IQSEC1: variants seen among roughly 807,000 people sequenced by gnomAD.
IQSEC1 encodes IQ motif and Sec7 domain ArfGEF 1.
A neutral mutation model predicts 91.0 loss-of-function variants in IQSEC1; 31 were observed. That is an observed-to-expected ratio of 0.34 (90% CI 0.26 to 0.46). IQSEC1 has a LOEUF of 0.46. Among genes scored for constraint, IQSEC1 ranks in the 20% least tolerant of loss-of-function variants. The probability of loss-of-function intolerance (pLI) is 1.00; values close to 1 mark genes in which losing one functional copy is unlikely to be tolerated. For synonymous variants in IQSEC1, 699 were observed against 662.6 expected, an observed-to-expected ratio of 1.05 and a Z score of -0.84; for missense variants, 1,388 against 1,575.6, an observed-to-expected ratio of 0.88 and a Z score of 2.02.
rs1023753453 is a variant in IQSEC1 at position 12,909,741 on chromosome 3, C to T, written c.2417-307G>A. ...GTCCTGAGAAAGGTGGGAGTCTTCT[C>T]TAGTCATCTCAGTTCTGGACAGCAG... On this transcript the variant is annotated intron_variant, in intron 10 of 13. Coordinates refer to ENST00000613206, the MANE Select transcript of IQSEC1 (RefSeq NM_001134382.3). This position sits in a 1 kb window ranked among gnomAD's most constrained non-coding sequence, Gnocchi z 4.9. Among the ~76,000 whole-genome samples the T allele has an allele frequency of 2.6e-5, 4 of 152,154 alleles. No individual in the cohort carries two copies. Among genetic ancestry groups the T allele is most frequent in the African/African-American group, 9.6e-5 (4 of 41,462 alleles).
intron 1 of IQSEC1, among the ~76,000 whole-genome samples, chr3:13,222,328 G>A (rs539763085): frequency 6.6e-6 from 1 of 152,262 alleles, no homozygotes; most frequent in African/African-American, 2.4e-5. Context: ...CCTTTTTAGG[G>A]TGAATCATAT....
At chr3:12,998,870 G>A (rs1049914150) in intron 1 of IQSEC1, among the ~76,000 whole-genome samples, 8 of 151,998 alleles carry the variant, frequency 5.3e-5, no homozygotes, top group African/African-American at 1.9e-4. Context: ...GTGGGGGGTC[G>A]GGGGGCAGGA....
chr3:12,912,119 G>A lies in IQSEC1; in HGVS notation c.2317-391C>T, dbSNP rs563235721. 8.4e-4 allele frequency among the ~76,000 whole-genome samples: 128 copies of A among 152,370 alleles called. 1 individual carries two copies. Among genetic ancestry groups the A allele is most frequent in the Admixed American group, 1.4e-3 (22 of 15,304 alleles). ...TGGCTTCCTTTCTCGGGAACAACCA[G>A]AGTGTGAAGCTATGCCTGGTGATGG... On this transcript the variant is annotated intron_variant, in intron 9 of 13. Transcript: ENST00000613206.
intron 1 of IQSEC1, among the ~76,000 whole-genome samples, chr3:13,181,046 C>T (rs575307428): frequency 2.0e-5 from 3 of 152,198 alleles, no homozygotes; most frequent in East Asian, 3.9e-4. Context: ...CTGAGGCGGG[C>T]GGATCATGAG....
intron 1 of IQSEC1, 51 bp downstream of exon 1, chr3:13,072,941 C>A: frequency 3.3e-6 from 5 of 1,497,980 alleles, no homozygotes; most frequent in Non-Finnish European, 4.6e-6. Context: ...CCAGCTCAGC[C>A]GGGCCCCTCT....
intron 1 of IQSEC1, among the ~76,000 whole-genome samples, chr3:13,271,278 G>A (rs1286167220): frequency 6.6e-6 from 1 of 152,194 alleles, no homozygotes; most frequent in Non-Finnish European, 1.5e-5. Flanking sequence ...TCGGGAGGCT[G>A]AGGCAGGAGA....
In IQSEC1 at chr3:12,909,273, A is replaced by T; in HGVS notation, c.2578T>A (p.Ser860Thr). ...VQEMEKHRIE[S>T]ELEKQKGVVR... ...TCTGTCCATGAGGCCTGGTACTCAC[A>T]CTCTATCCTGTGCTTCTCCATCTCT... Residue 860 changes from serine (S) to threonine (T), a missense_variant and splice_region_variant, in exon 11 of 14, where the codon TCG becomes ACG. Around this residue, in one of 2 missense-constraint regions of IQSEC1, gnomAD observed 1,059 missense variants for 1,317.8 expected, o/e 0.80. Transcript: ENST00000613206. This position sits in a 1 kb window ranked among gnomAD's most constrained non-coding sequence, Gnocchi z 4.9. 1 of 1,613,848 alleles carries T rather than the reference A, an allele frequency of 6.2e-7. No individual in the cohort carries two copies. Among genetic ancestry groups the T allele is most frequent in the South Asian group, 1.1e-5 (1 of 91,058 alleles).
chr3:13,281,029 G>A (rs536182253), intron 1 of IQSEC1, among the ~76,000 whole-genome samples: 2 of 152,374 alleles, frequency 1.3e-5, no homozygotes, highest in South Asian at 4.1e-4. Flanking sequence ...CCTGTCCCCT[G>A]CGTGGTCACC....
chr3:13,274,648 T>C (rs1695646498), intron 1 of IQSEC1, among the ~76,000 whole-genome samples: 1 of 151,982 alleles, frequency 6.6e-6, no homozygotes, highest in Non-Finnish European at 1.5e-5. Context: ...GAACAGCAAC[T>C]TTCTGGGAGC....
chr3:12,967,494 A>G lies in IQSEC1; in HGVS notation c.24-25629T>C. 6.8e-7 allele frequency: 1 copy of G among 1,461,850 alleles called. No individual in the cohort carries two copies. The highest frequency in any genetic ancestry group is 1.3e-5 in the South Asian group (1 of 76,000). The allele number at this position is 1,461,850 out of a possible 1,614,324, so 90.6% of individuals were successfully genotyped here. A position where few individuals can be genotyped will look rare whatever the true frequency, so the allele number is the denominator to read the frequency against. On this transcript the variant is annotated intron_variant, in intron 1 of 13. Transcript: ENST00000613206. This position sits in a 1 kb window ranked among gnomAD's most constrained non-coding sequence, Gnocchi z 5.9. Reference sequence around the variant, plus strand: ...CGGGCCGGGCCGGGAGCCGGGACCCAGGCCCAGCAGAGGCCGCCGACTCCC... The same window carrying G: ...CGGGCCGGGCCGGGAGCCGGGACCCGGGCCCAGCAGAGGCCGCCGACTCCC...
intron 1 of IQSEC1, among the ~76,000 whole-genome samples, chr3:13,053,821 T>C (rs931245523): frequency 6.6e-6 from 1 of 152,194 alleles, no homozygotes; most frequent in African/African-American, 2.4e-5. Context: ...TCTTATTAAA[T>C]AAGTCACATA....
At chr3:13,093,491 G>A (rs1370954500) in intron 2 of IQSEC1, among the ~76,000 whole-genome samples, 2 of 152,116 alleles carry the variant, frequency 1.3e-5, no homozygotes, top group Admixed American at 1.3e-4. Context: ...CGCAGACGAG[G>A]GGCTTCATCC....
chr3:13,263,589 C>G (rs1008139766), intron 1 of IQSEC1, among the ~76,000 whole-genome samples: 1 of 152,056 alleles, frequency 6.6e-6, no homozygotes, highest in African/African-American at 2.4e-5. Flanking sequence ...ATTGCAGGCA[C>G]GCGCCACCAC....
rs553959106 is a variant in IQSEC1, at chr3:12,951,347, C to T, written c.24-9482G>A. Among the ~76,000 whole-genome samples the T allele has an allele frequency of 4.6e-5, 7 of 152,040 alleles. No individual in the cohort carries two copies. In the East Asian group the frequency reaches 1.2e-3, roughly 25 times the overall value. ...CTAAGGCGCGAGAACTGCTTAAACC[C>T]GGGAGGCGGAGGTTGCAGTGAGTTG... On this transcript the variant is annotated intron_variant, in intron 1 of 13. Coordinates refer to ENST00000613206, the MANE Select transcript of IQSEC1 (RefSeq NM_001134382.3).
intron 9 of IQSEC1, among the ~76,000 whole-genome samples, chr3:12,912,183 C>G (rs1370559904): frequency 6.6e-6 from 1 of 152,220 alleles, no homozygotes; most frequent in African/African-American, 2.4e-5. Flanking sequence ...CGACGTGATC[C>G]CTGAATCCCA....
At position 12,915,124 on chromosome 3, in the gene IQSEC1, G is replaced by A. The variant is rs758894477; in HGVS notation, c.2170C>T (p.Leu724=). ...CTCACACAGCCGAGCCCGGGATGCA[G>A]GGATCCGATCTGCGGGAGAATGTGA... ...LIVGKKPIGS[L]HPGLGCVLSL... is the part of the protein sequence containing the mutation. Residue 724 remains leucine, a synonymous_variant, in exon 8 of 14, where the codon CTG becomes TTG. Coordinates refer to ENST00000613206, the MANE Select transcript of IQSEC1 (RefSeq NM_001134382.3). The A allele has an allele frequency of 1.1e-5, 17 of 1,609,046 alleles. No homozygotes were observed. In the South Asian group the frequency reaches 1.7e-4, roughly 16 times the overall value.
chr3:13,161,933 T>C (rs960253105), intron 2 of IQSEC1, among the ~76,000 whole-genome samples: 1 of 152,176 alleles, frequency 6.6e-6, no homozygotes, highest in African/African-American at 2.4e-5. Flanking sequence ...CAGCCAGTCA[T>C]GCTCACTCCT....
intron 1 of IQSEC1, among the ~76,000 whole-genome samples, chr3:12,942,234 C>T (rs1174375302): frequency 6.6e-6 from 1 of 152,244 alleles, no homozygotes; most frequent in Non-Finnish European, 1.5e-5. Context: ...ACAGCAGGTG[C>T]TCAGCAATTA....
At chr3:13,101,791 G>A (rs1706069450) in intron 2 of IQSEC1, among the ~76,000 whole-genome samples, 1 of 152,112 alleles carries the variant, frequency 6.6e-6, no homozygotes, top group African/African-American at 2.4e-5. Context: ...TATAAATTTG[G>A]GGCCATCTTT....
Sources: gnomAD v4.1 joint callset for allele counts (sites outside exome capture counted in the v4.1 genomes callset) on GRCh38, gnomAD v4.1.1 for gene constraint, gnomAD v4.1.1 regional missense constraint, Gnocchi (gnomAD v3.1) non-coding constraint, MANE v1.5 for transcripts, NCBI Gene and HGNC (gene_info 2026-07-23, HGNC 2026-07-21) for gene names.